DLG1: variants seen among roughly 807,000 people sequenced by gnomAD.
The protein encoded by DLG1 is discs large MAGUK scaffold protein 1.
Under a neutral mutation model 123.4 loss-of-function variants are expected in DLG1, and 42 were observed. The observed-to-expected ratio is 0.34, with a 90% confidence interval of 0.27 to 0.44. The LOEUF (loss-of-function observed/expected upper bound fraction) is 0.44, where lower values mean the gene tolerates loss of function less well. DLG1 is among the 20% of genes least tolerant of loss of function. DLG1 has a pLI of 1.00. For synonymous variants in DLG1, 317 were observed against 356.2 expected (o/e 0.89, Z 1.24); for missense variants, 942 against 1,082.6 (o/e 0.87, Z 1.82).
At position 197,142,886 on chromosome 3, in the gene DLG1, C is replaced by A. The variant is rs995262763; in HGVS notation, c.538-118G>T. ...TGTTGAATGCGACAGTAATCAAACA[C>A]AATAGCTTCATTTTAATAATTCTGG... On this transcript the variant is annotated intron_variant, in intron 6 of 24. Transcript: ENST00000667157. 5.8e-6 allele frequency: 4 copies of A among 688,922 alleles called. No homozygotes were observed. In the East Asian group the frequency reaches 1.1e-4, roughly 19 times the overall value. The allele number at this position is 688,922 out of a possible 1,614,324, so 42.7% of individuals were successfully genotyped here. A position where few individuals can be genotyped will look rare whatever the true frequency, so the allele number is the denominator to read the frequency against.
chr3:197,185,875 A>G lies in DLG1; in HGVS notation c.483+8550T>C, dbSNP rs144710553. ...AATAGTAGGCTCTTAGTGAGCATCT[A>G]TTTATCCTACAGAGCCAGAGAACTT... On this transcript the variant is annotated intron_variant, in intron 5 of 24. Transcript: ENST00000667157. Among the ~76,000 whole-genome samples, 600 of 152,264 alleles carry G rather than the reference A, an allele frequency of 3.9e-3. 2 individuals carry two copies. The highest frequency in any genetic ancestry group is 5.5e-3 in the Non-Finnish European group (374 of 68,000).
intron 14 of DLG1, among the ~76,000 whole-genome samples, chr3:197,103,268 G>A (rs1169695068): frequency 6.6e-6 from 1 of 152,114 alleles, no homozygotes; most frequent in African/African-American, 2.4e-5. Flanking sequence ...GTAGGAGCAT[G>A]CGTGTATGTT....
At chr3:197,120,845 T>C (rs970977326) in intron 11 of DLG1, among the ~76,000 whole-genome samples, 5 of 152,166 alleles carry the variant, frequency 3.3e-5, no homozygotes, top group African/African-American at 1.2e-4. Context: ...AGATGCTCGT[T>C]TGTATTTGAG....
At chr3:197,181,527 A>T (rs1464494625) in intron 5 of DLG1, among the ~76,000 whole-genome samples, 2 of 152,226 alleles carry the variant, frequency 1.3e-5, no homozygotes, top group Non-Finnish European at 2.9e-5. Flanking sequence ...AGTGCAATTT[A>T]AAAAAGTATT....
At chr3:197,104,506 ACT>A (rs1425225504) in intron 14 of DLG1, among the ~76,000 whole-genome samples, 9 of 152,042 alleles carry the variant, frequency 5.9e-5, no homozygotes, top group East Asian at 1.9e-4. Flanking sequence ...ACATGGAGAA[ACT>A]CTATCTCTAC....
At chr3:197,179,621 G>A (rs764874295) in intron 5 of DLG1, among the ~76,000 whole-genome samples, 4 of 151,912 alleles carry the variant, frequency 2.6e-5, no homozygotes, top group Non-Finnish European at 5.9e-5. Flanking sequence ...AGCTAACAGG[G>A]GCACCTAACT....
chr3:197,106,673 C>T (rs998106449), intron 13 of DLG1, among the ~76,000 whole-genome samples: 1 of 152,094 alleles, frequency 6.6e-6, no homozygotes, highest in Non-Finnish European at 1.5e-5. Flanking sequence ...TATTTCTGTG[C>T]ACCAAACTCT....
intron 5 of DLG1, among the ~76,000 whole-genome samples, chr3:197,190,497 C>T (rs762355197): frequency 2.6e-5 from 4 of 152,104 alleles, no homozygotes; most frequent in African/African-American, 7.2e-5. Flanking sequence ...TTGTTTCATC[C>T]GCATATAAGT....
chr3:197,058,324 T>C (rs1733312268), intron 23 of DLG1, among the ~76,000 whole-genome samples: 2 of 152,220 alleles, frequency 1.3e-5, no homozygotes, highest in African/African-American at 2.4e-5. Flanking sequence ...ACTTTCCTAA[T>C]ATTTGATTTT....
At chr3:197,201,810 GA>G (rs1032269444) in intron 4 of DLG1, among the ~76,000 whole-genome samples, 35 of 150,838 alleles carry the variant, frequency 2.3e-4, no homozygotes, top group Admixed American at 2.3e-3. Context: ...CACAGAAGCA[GA>G]AAAAAAAATC....
intron 5 of DLG1, among the ~76,000 whole-genome samples, chr3:197,167,958 A>G (rs1158601772): frequency 6.6e-6 from 1 of 152,252 alleles, no homozygotes; most frequent in Non-Finnish European, 1.5e-5. Context: ...TAACAATAGG[A>G]TAATAGCTGA....
At position 197,042,763 on chromosome 3, in the gene DLG1, T is replaced by A. The variant is rs911202654; in HGVS notation, c.*1860A>T. ...TCTATGTGGTTAACAACCTACGACA[T>A]TTAGTCTAACAGCAGCACTGTGTAT... On this transcript the variant is annotated 3_prime_UTR_variant, in exon 25 of 25. Coordinates refer to ENST00000667157, the MANE Select transcript of DLG1 (RefSeq NM_001366207.1). 1 of 152,224 alleles carries A rather than the reference T, an allele frequency of 6.6e-6. No homozygotes were observed. Among genetic ancestry groups the A allele is most frequent in the Non-Finnish European group, 1.5e-5 (1 of 68,040 alleles). The allele number at this position is 152,224 out of a possible 1,614,324, so 9.4% of individuals were successfully genotyped here. A position where few individuals can be genotyped will look rare whatever the true frequency, so the allele number is the denominator to read the frequency against.
chr3:197,201,370 T>C (rs1462859774), intron 4 of DLG1, among the ~76,000 whole-genome samples: 1 of 152,134 alleles, frequency 6.6e-6, no homozygotes, highest in African/African-American at 2.4e-5. Context: ...GGCGACAGAG[T>C]GAGACTCCGT....
At chr3:197,225,814 A>T (rs1578320743) in intron 4 of DLG1, 1 of 152,664 alleles carries the variant, frequency 6.6e-6, no homozygotes, top group African/African-American at 2.4e-5. Context: ...ATACTATTGG[A>T]TTTTAAAACC....
intron 12 of DLG1, 126 bp from the exon 13 acceptor site, chr3:197,116,209 T>TG (rs2149404815): frequency 2.8e-6 from 2 of 723,854 alleles, no homozygotes; most frequent in East Asian, 6.1e-5. Flanking sequence ...AAAATATAAA[T>TG]GGTTTTTCTA....
intron 4 of DLG1, among the ~76,000 whole-genome samples, chr3:197,205,756 C>A (rs895416617): frequency 6.6e-6 from 1 of 152,196 alleles, no homozygotes; most frequent in African/African-American, 2.4e-5. Context: ...AAACAACCCA[C>A]ATTTTTGTAG....
intron 23 of DLG1, among the ~76,000 whole-genome samples, chr3:197,055,179 G>T (rs185355710): frequency 2.0e-5 from 3 of 152,110 alleles, no homozygotes; most frequent in Admixed American, 6.5e-5. Context: ...CTTGAACCAC[G>T]GAGTTCAAGT....
intron 17 of DLG1, chr3:197,080,402 T>C (rs1178862762): frequency 1.4e-5 from 2 of 145,110 alleles, no homozygotes; most frequent in East Asian, 2.2e-4. Flanking sequence ...CTTTAGCCAC[T>C]GGAGCAGCTG....
chr3:197,139,807 G>C lies in DLG1; in HGVS notation c.713+333C>G, dbSNP rs531622919. On this transcript the variant is annotated intron_variant, in intron 8 of 24. Coordinates refer to ENST00000667157, the MANE Select transcript of DLG1 (RefSeq NM_001366207.1). Reference sequence around the variant, plus strand: ...AGTTTATACACATGTTTCCCAGCCAGAGAGGAAATGGAAAATATTCTGTGA... The same window carrying C: ...AGTTTATACACATGTTTCCCAGCCACAGAGGAAATGGAAAATATTCTGTGA... Among the ~76,000 whole-genome samples the C allele has an allele frequency of 3.9e-4, 60 of 152,242 alleles. No homozygotes were observed. In the South Asian group the frequency reaches 0.011, roughly 28 times the overall value.
Sources: allele counts gnomAD v4.1 joint callset (sites outside exome capture counted in the v4.1 genomes callset), GRCh38; gene constraint gnomAD v4.1.1; transcripts MANE v1.5; gene names NCBI Gene and HGNC (gene_info 2026-07-23, HGNC 2026-07-21).